The following POLK variants were observed in gnomAD, a reference collection of about 807,000 sequenced individuals.
The protein encoded by POLK is DNA polymerase kappa, also known as polymerase (DNA directed) kappa.
In POLK, 76 loss-of-function variants were observed where a neutral mutation model predicts 94.0. The observed-to-expected ratio is 0.81, with a 90% CI of 0.67 to 0.98. POLK has a LOEUF of 0.98. Ranked by LOEUF, POLK falls within the 50% of genes least tolerant of loss-of-function variation. The pLI is 0.00. For synonymous variants in POLK, 349 were observed against 325.4 expected, an observed-to-expected ratio of 1.07 and a Z score of -0.78; for missense variants, 954 against 1,010.1, an observed-to-expected ratio of 0.94 and a Z score of 0.75.
At chr5:75,542,196 C>T (rs1769773629) in intron 1 of POLK, among the ~76,000 whole-genome samples, 1 of 152,008 alleles carries the variant, frequency 6.6e-6, no homozygotes, top group Non-Finnish European at 1.5e-5. Flanking sequence ...TAAAGGTTTT[C>T]TGAGGAAATT....
chr5:75,590,318 C>A (rs779780067), intron 10 of POLK, 26 bp from the exon 11 acceptor site: 2 of 1,325,784 alleles, frequency 1.5e-6, no homozygotes, highest in Non-Finnish European at 2.1e-6. Flanking sequence ...TTACTTTGTG[C>A]GCCAAAATTA....
intron 1 of POLK, among the ~76,000 whole-genome samples, chr5:75,531,477 C>A (rs1190471139): frequency 6.6e-6 from 1 of 151,886 alleles, no homozygotes; most frequent in African/African-American, 2.4e-5. Flanking sequence ...GGCTGTGGAC[C>A]AGTGCTTATC....
intron 3 of POLK, among the ~76,000 whole-genome samples, chr5:75,560,571 A>G (rs951904310): frequency 3.9e-5 from 6 of 152,142 alleles, no homozygotes; most frequent in Admixed American, 1.3e-4. Context: ...CAGAATGTGC[A>G]GGTTTGTTAC....
intron 12 of POLK, among the ~76,000 whole-genome samples, chr5:75,594,504 G>A (rs1332987169): frequency 6.6e-6 from 1 of 152,174 alleles, no homozygotes; most frequent in Non-Finnish European, 1.5e-5. Flanking sequence ...TGAAATTCTT[G>A]TGGCCAGGTG....
chr5:75,511,124 C>T (rs150201400), upstream of POLK: 98 of 1,591,032 alleles, frequency 6.2e-5, no homozygotes, highest in Non-Finnish European at 8.0e-5. Context: ...TACTGAGGAC[C>T]CCGCAGCGCT....
intron 1 of POLK, among the ~76,000 whole-genome samples, chr5:75,537,809 T>C (rs569895091): frequency 6.6e-6 from 1 of 152,306 alleles, no homozygotes; most frequent in African/African-American, 2.4e-5. Context: ...TTAGAAAATG[T>C]ATATTTTATT....
intron 3 of POLK, among the ~76,000 whole-genome samples, chr5:75,556,209 A>G (rs892381769): frequency 6.6e-6 from 1 of 152,136 alleles, no homozygotes; most frequent in African/African-American, 2.4e-5. Context: ...GGCTATTCTA[A>G]TATGTGTATA....
At chr5:75,527,507 A>ACACC in intron 1 of POLK, among the ~76,000 whole-genome samples, 1 of 118,190 alleles carries the variant, frequency 8.5e-6, no homozygotes, top group Non-Finnish European at 1.9e-5. Flanking sequence ...ATATATACAC[A>ACACC]CACACACACA....
intron 6 of POLK, among the ~76,000 whole-genome samples, chr5:75,578,936 A>G (rs1772056351): frequency 6.6e-6 from 1 of 152,214 alleles, no homozygotes; most frequent in South Asian, 2.1e-4. Context: ...AAATGCTTTA[A>G]TCCTAGTGTT....
At chr5:75,535,602 G>T (rs1354927134) in intron 1 of POLK, among the ~76,000 whole-genome samples, 1 of 151,900 alleles carries the variant, frequency 6.6e-6, no homozygotes, top group Non-Finnish European at 1.5e-5. Flanking sequence ...CATAGATTTG[G>T]TCTCTTTACA....
chr5:75,573,616 GC>G, intron 4 of POLK, 121 bp from the exon 5 acceptor site: 1 of 784,860 alleles, frequency 1.3e-6, no homozygotes, highest in Non-Finnish European at 2.1e-6. Flanking sequence ...CAAAAAACTG[GC>G]CTATAAATGA....
intron 2 of POLK, among the ~76,000 whole-genome samples, chr5:75,551,956 A>G (rs936144541): frequency 3.9e-5 from 6 of 152,256 alleles, no homozygotes; most frequent in African/African-American, 1.4e-4. Context: ...CCAAAAAGTG[A>G]AAATAAGCTA....
At chr5:75,565,902 G>A (rs1036321625) in intron 3 of POLK, among the ~76,000 whole-genome samples, 2 of 152,238 alleles carry the variant, frequency 1.3e-5, no homozygotes, top group Non-Finnish European at 2.9e-5. Flanking sequence ...TGTGCTGGGC[G>A]ATCCGCTGCT....
intron 1 of POLK, among the ~76,000 whole-genome samples, chr5:75,514,603 A>C (rs994736508): frequency 2.0e-5 from 3 of 152,270 alleles, no homozygotes; most frequent in African/African-American, 7.2e-5. Flanking sequence ...CATTCAAAGA[A>C]GTTAATTGCC....
chr5:75,580,875 T>C (rs1772161424), intron 6 of POLK, among the ~76,000 whole-genome samples: 1 of 151,484 alleles, frequency 6.6e-6, no homozygotes, highest in Non-Finnish European at 1.5e-5. Context: ...TCCTTTTTTT[T>C]TTTTTAAGAA....
intron 1 of POLK, chr5:75,512,802 G>T (rs1371972954): frequency 6.6e-6 from 1 of 152,202 alleles, no homozygotes; most frequent in African/African-American, 2.4e-5. Context: ...TTACTACAAG[G>T]ATGGGACGAT....
intron 11 of POLK, among the ~76,000 whole-genome samples, chr5:75,591,179 A>G (rs776021292): frequency 6.6e-6 from 1 of 152,184 alleles, no homozygotes; most frequent in Non-Finnish European, 1.5e-5. Flanking sequence ...TTTCTCGCAT[A>G]AAGAAAATAC....
At chr5:75,547,990 A>C (rs1329493224) in intron 2 of POLK, among the ~76,000 whole-genome samples, 2 of 152,152 alleles carry the variant, frequency 1.3e-5, no homozygotes, top group Non-Finnish European at 2.9e-5. Flanking sequence ...CCAGTAGCAC[A>C]ATAATAGCTC....
intron 3 of POLK, among the ~76,000 whole-genome samples, chr5:75,569,116 A>G (rs190378039): frequency 2.2e-4 from 33 of 152,312 alleles, no homozygotes; most frequent in African/African-American, 7.0e-4. Flanking sequence ...ATAGATAAAC[A>G]CTTATAAACA....
Sources: gnomAD v4.1 joint callset for allele counts (sites outside exome capture counted in the v4.1 genomes callset) on GRCh38, gnomAD v4.1.1 for gene constraint, MANE v1.5 for transcripts, NCBI Gene and HGNC (gene_info 2026-07-23, HGNC 2026-07-21) for gene names.